SPAG16: variants seen among roughly 807,000 people sequenced by gnomAD.
The protein encoded by SPAG16 is sperm-associated antigen 16 protein.
In SPAG16, 86 loss-of-function variants were observed where a neutral mutation model predicts 80.4. That is an observed-to-expected ratio of 1.07 (90% CI 0.90 to 1.28). The LOEUF (loss-of-function observed/expected upper bound fraction) is 1.28, where lower values mean the gene tolerates loss of function less well. Ranked by LOEUF, SPAG16 falls within the 50% of genes most tolerant of loss-of-function variation. The pLI is 0.00. For synonymous variants in SPAG16, 294 were observed against 265.9 expected (o/e 1.11, Z -1.03); for missense variants, 870 against 765.3 (o/e 1.14, Z -1.61).
intron 10 of SPAG16, among the ~76,000 whole-genome samples, chr2:213,855,420 C>T (rs1271036057): frequency 2.6e-5 from 4 of 152,218 alleles, no homozygotes; most frequent in Non-Finnish European, 5.9e-5. Context: ...CTATGTATCC[C>T]AGTTCCTCCA....
intron 10 of SPAG16, among the ~76,000 whole-genome samples, chr2:213,559,374 A>G (rs2059530860): frequency 6.6e-6 from 1 of 152,192 alleles, no homozygotes; most frequent in Non-Finnish European, 1.5e-5. Flanking sequence ...CACGAGCATC[A>G]ATGCACTACT....
At chr2:213,678,512 A>G (rs975356131) in intron 10 of SPAG16, among the ~76,000 whole-genome samples, 1 of 152,198 alleles carries the variant, frequency 6.6e-6, no homozygotes, top group Non-Finnish European at 1.5e-5. Context: ...TAAACTAGAA[A>G]ATCTAGAAGA....
chr2:213,999,086 G>A (rs1289292882), intron 12 of SPAG16, among the ~76,000 whole-genome samples: 1 of 152,198 alleles, frequency 6.6e-6, no homozygotes, highest in Admixed American at 6.5e-5. Flanking sequence ...GCCAGCTGCA[G>A]AAATTTGCAT....
At chr2:213,780,349 C>T (rs542259752) in intron 10 of SPAG16, among the ~76,000 whole-genome samples, 1 of 152,280 alleles carries the variant, frequency 6.6e-6, no homozygotes, top group East Asian at 1.9e-4. Flanking sequence ...TTTCTGATTC[C>T]AGGTCTCTTC....
rs183021050 is a variant in SPAG16 at position 213,847,404 on chromosome 2, A to C, written c.1071-15081A>C. 6.7e-4 allele frequency among the ~76,000 whole-genome samples: 102 copies of C among 152,256 alleles called. No homozygotes were observed. In the East Asian group the frequency reaches 0.015, roughly 23 times the overall value. On this transcript the variant is annotated intron_variant, in intron 10 of 15. Coordinates refer to ENST00000331683, the MANE Select transcript of SPAG16 (RefSeq NM_024532.5). ...CTGCTGAAACCTCAGGGAGCTTTTA[A>C]TCAGGGTGGAAGGCAAAGAGGGGCT...
chr2:213,307,139 T>G (rs988656392), intron 3 of SPAG16, among the ~76,000 whole-genome samples: 1 of 152,224 alleles, frequency 6.6e-6, no homozygotes. Context: ...CTCACCACTA[T>G]TGTGAATGTC....
At chr2:213,406,129 A>C (rs1022745564) in intron 9 of SPAG16, among the ~76,000 whole-genome samples, 7 of 152,226 alleles carry the variant, frequency 4.6e-5, no homozygotes, top group African/African-American at 7.2e-5. Flanking sequence ...CACCCTTTTC[A>C]ATAGTTTCCT....
chr2:213,431,111 A>G (rs1341190208), intron 9 of SPAG16, among the ~76,000 whole-genome samples: 2 of 152,160 alleles, frequency 1.3e-5, no homozygotes, highest in Non-Finnish European at 2.9e-5. Context: ...CCATCATTAA[A>G]ACACATTAAA....
chr2:213,325,518 T>A (rs1033069108), intron 5 of SPAG16, among the ~76,000 whole-genome samples: 1 of 151,976 alleles, frequency 6.6e-6, no homozygotes, highest in Non-Finnish European at 1.5e-5. Flanking sequence ...GAAAATCAGT[T>A]GACCCTTTAG....
intron 10 of SPAG16, among the ~76,000 whole-genome samples, chr2:213,672,912 G>T (rs1352693165): frequency 7.0e-6 from 1 of 142,674 alleles, no homozygotes; most frequent in Non-Finnish European, 1.5e-5. Context: ...AGGCTGGAGT[G>T]CAGTGGCACG....
chr2:213,414,235 A>T (rs1041671304), intron 9 of SPAG16, among the ~76,000 whole-genome samples: 9 of 152,212 alleles, frequency 5.9e-5, no homozygotes, highest in Non-Finnish European at 1.2e-4. Flanking sequence ...TTCCTGCTAC[A>T]GTGGGTCTGA....
intron 9 of SPAG16, among the ~76,000 whole-genome samples, chr2:213,402,569 C>T (rs558385752): frequency 6.8e-6 from 1 of 146,624 alleles, no homozygotes; most frequent in Non-Finnish European, 1.5e-5. Context: ...AATGCTATCC[C>T]TCCCCCCTCC....
chr2:213,879,436 T>C (rs1339428259), intron 11 of SPAG16, among the ~76,000 whole-genome samples: 5 of 151,804 alleles, frequency 3.3e-5, no homozygotes, highest in African/African-American at 4.8e-5. Flanking sequence ...TTTGTAGCTA[T>C]TGTAAATGAG....
intron 15 of SPAG16, among the ~76,000 whole-genome samples, chr2:214,262,780 A>G (rs574320503): frequency 8.5e-5 from 13 of 152,272 alleles, no homozygotes; most frequent in African/African-American, 3.1e-4. Context: ...GACAATGAGT[A>G]TCAAAGGAAT....
chr2:214,252,969 A>G (rs1424533525), intron 15 of SPAG16, among the ~76,000 whole-genome samples: 1 of 151,898 alleles, frequency 6.6e-6, no homozygotes, highest in Non-Finnish European at 1.5e-5. Flanking sequence ...TTGTTTCCTG[A>G]CTTTTTAATG....
intron 10 of SPAG16, among the ~76,000 whole-genome samples, chr2:213,697,820 T>C (rs2065226306): frequency 6.6e-6 from 1 of 152,178 alleles, no homozygotes; most frequent in South Asian, 2.1e-4. Flanking sequence ...GAGTTTCCTT[T>C]TAAAAAACAA....
At chr2:213,483,964 A>T (rs1315431200) in intron 9 of SPAG16, among the ~76,000 whole-genome samples, 2 of 152,188 alleles carry the variant, frequency 1.3e-5, no homozygotes, top group South Asian at 2.1e-4. Context: ...CAGATCTTTT[A>T]TCTCTGTTCG....
chr2:213,427,801 C>G (rs1212317762), intron 9 of SPAG16, among the ~76,000 whole-genome samples: 2 of 152,126 alleles, frequency 1.3e-5, no homozygotes, highest in African/African-American at 4.8e-5. Context: ...AACTGAGCAT[C>G]TTATCTGCTT....
At chr2:213,770,565 G>A (rs1164932766) in intron 10 of SPAG16, among the ~76,000 whole-genome samples, 1 of 152,042 alleles carries the variant, frequency 6.6e-6, no homozygotes. Flanking sequence ...CCATCACATA[G>A]GTATTAAGCC....
Sources: gnomAD v4.1 joint callset for allele counts (sites outside exome capture counted in the v4.1 genomes callset) on GRCh38, gnomAD v4.1.1 for gene constraint, MANE v1.5 for transcripts, NCBI Gene and HGNC (gene_info 2026-07-23, HGNC 2026-07-21) for gene names.